Variants in OSBPL10 observed in about 807,000 individuals in gnomAD.
The protein encoded by OSBPL10 is oxysterol-binding protein-related protein 10.
In OSBPL10, 49 loss-of-function variants were observed where a neutral mutation model predicts 81.7. That is an observed-to-expected ratio of 0.60 (90% confidence interval 0.48 to 0.76). The LOEUF (loss-of-function observed/expected upper bound fraction) is 0.76, where lower values mean the gene tolerates loss of function less well. Among genes scored for constraint, OSBPL10 ranks in the 30% least tolerant of loss-of-function variants. The pLI is 0.00. For missense variants in OSBPL10, 923 were observed against 987.8 expected (o/e 0.93, Z 0.88); for synonymous variants, 419 against 383.6 (o/e 1.09, Z -1.08).
intron 1 of OSBPL10, among the ~76,000 whole-genome samples, chr3:31,915,911 C>G (rs140311958): frequency 6.6e-6 from 1 of 151,862 alleles, no homozygotes; most frequent in South Asian, 2.1e-4. Context: ...CTGACCAATA[C>G]GGCGAAACCC....
intron 7 of OSBPL10, among the ~76,000 whole-genome samples, chr3:31,688,533 C>G (rs1347853050): frequency 6.6e-6 from 1 of 152,134 alleles, no homozygotes; most frequent in African/African-American, 2.4e-5. Context: ...ACTGTAAGCT[C>G]TTAGTGGATA....
At chr3:31,860,188 T>G (rs111388592) in intron 3 of OSBPL10, among the ~76,000 whole-genome samples, 3 of 152,268 alleles carry the variant, frequency 2.0e-5, no homozygotes, top group African/African-American at 7.2e-5. Context: ...TTTAAGATTT[T>G]GAAGAAGCCT....
chr3:32,036,599 A>G (rs528532065), intron 2 of OSBPL10, among the ~76,000 whole-genome samples: 29 of 152,302 alleles, frequency 1.9e-4, no homozygotes, highest in African/African-American at 7.0e-4. Context: ...ATAGATAAGG[A>G]AGACCACTTG....
Position 31,990,293 on chromosome 3 carries a change from A to G in OSBPL10, n.298+56198T>C, listed in dbSNP as rs753451627. 1.2e-5 allele frequency: 19 copies of G among 1,614,138 alleles called. No individual in the cohort carries two copies. The East Asian group carries it at 3.3e-4, about 28-fold the overall frequency. Reference sequence around the variant, plus strand: ...CTTTATAAATGTAATGATTGTCACAAAGTCTTCAGTAATGCTACAACCATT... The same window carrying G: ...CTTTATAAATGTAATGATTGTCACAGAGTCTTCAGTAATGCTACAACCATT... On this transcript the variant is annotated intron_variant and non_coding_transcript_variant, in intron 2 of 3. Transcript: ENST00000479173.
intron 7 of OSBPL10, among the ~76,000 whole-genome samples, chr3:31,701,309 T>G (rs1695887162): frequency 6.6e-6 from 1 of 152,182 alleles, no homozygotes; most frequent in South Asian, 2.1e-4. Flanking sequence ...CTTCAGTGGC[T>G]CTGACATCCA....
intron 1 of OSBPL10, among the ~76,000 whole-genome samples, chr3:31,970,839 C>T (rs2125490015): frequency 6.6e-6 from 1 of 152,318 alleles, no homozygotes; most frequent in Admixed American, 6.5e-5. Context: ...AGTCTCATCT[C>T]TGGCCACACT....
In OSBPL10 at chr3:31,926,289, G is replaced by GCCCCCCCCCCCC. The variant is rs36122261; in HGVS notation, c.282-46460_282-46459insGGGGGGGGGGGG. Among the ~76,000 whole-genome samples, 10 of 130,194 alleles carry GCCCCCCCCCCCC rather than the reference G, an allele frequency of 7.7e-5. 1 individual carries two copies. The highest frequency in any genetic ancestry group is 2.5e-4 in the African/African-American group (8 of 32,312). The allele number at this position is 130,194 out of a possible 152,430, so 85.4% of individuals were successfully genotyped here. On this transcript the variant is annotated intron_variant, in intron 1 of 11. Coordinates refer to ENST00000396556, the MANE Select transcript of OSBPL10 (RefSeq NM_017784.5). ...GTGGTTCTCAACCATGGGTGATTTT[G>GCCCCCCCCCCCC]CCCCCCCAGAGGATAGCTGCAATGT...
At chr3:31,879,026 G>T (rs765893601) in intron 2 of OSBPL10, among the ~76,000 whole-genome samples, 2 of 152,184 alleles carry the variant, frequency 1.3e-5, no homozygotes, top group African/African-American at 2.4e-5. Flanking sequence ...TGTGTCTTGA[G>T]GGTGAATACT....
chr3:31,978,619 A>G (rs1698746520), intron 1 of OSBPL10, among the ~76,000 whole-genome samples: 1 of 152,180 alleles, frequency 6.6e-6, no homozygotes, highest in African/African-American at 2.4e-5. Context: ...AAACCCTGAC[A>G]CTGAGATGTT....
chr3:31,892,299 C>T (rs967719262), intron 1 of OSBPL10, among the ~76,000 whole-genome samples: 3 of 152,140 alleles, frequency 2.0e-5, no homozygotes, highest in Non-Finnish European at 4.4e-5. Context: ...GGGCTAAAGA[C>T]GTAGGCAATG....
At chr3:32,071,174 G>C (rs1051299289) in intron 1 of OSBPL10, among the ~76,000 whole-genome samples, 4 of 152,110 alleles carry the variant, frequency 2.6e-5, no homozygotes, top group African/African-American at 9.7e-5. Flanking sequence ...ACCTACCTAA[G>C]TATAGTTCTT....
intron 4 of OSBPL10, among the ~76,000 whole-genome samples, chr3:31,808,233 G>A (rs1352701110): frequency 6.6e-6 from 1 of 152,176 alleles, no homozygotes; most frequent in Admixed American, 6.5e-5. Flanking sequence ...GAGGTTGGAG[G>A]GAAAGGGGGA....
intron 3 of OSBPL10, among the ~76,000 whole-genome samples, chr3:31,866,180 C>T (rs1276246297): frequency 1.3e-5 from 2 of 152,166 alleles, no homozygotes; most frequent in South Asian, 2.1e-4. Flanking sequence ...TCACCCTTCA[C>T]ATTTTGCTAT....
Position 32,063,405 on chromosome 3 carries a change from G to A in OSBPL10, n.185+13991C>T, listed in dbSNP as rs1446955370. On this transcript the variant is annotated intron_variant and non_coding_transcript_variant, in intron 1 of 3. Coordinates refer to the OSBPL10 transcript ENST00000479173. ...CAGAGTTCAGCTTCTTGGCTCCACA[G>A]CTCAGGAACTTTGAGCTTTCACATA... Among the ~76,000 whole-genome samples, 4 of 92,292 alleles carry A rather than the reference G, an allele frequency of 4.3e-5. 1 individual carries two copies. The highest frequency in any genetic ancestry group is 8.7e-5 in the Non-Finnish European group (3 of 34,614). The allele number at this position is 92,292 out of a possible 152,430, so 60.5% of individuals were successfully genotyped here. A position where few individuals can be genotyped will look rare whatever the true frequency, so the allele number is the denominator to read the frequency against.
At chr3:31,747,319 A>G (rs1697556466) in intron 5 of OSBPL10, among the ~76,000 whole-genome samples, 3 of 149,874 alleles carry the variant, frequency 2.0e-5, no homozygotes, top group Admixed American at 2.0e-4. Flanking sequence ...CTTTGACTCA[A>G]AAAAAAAAAG....
chr3:31,870,206 G>A lies in OSBPL10; in HGVS notation c.537+6227C>T, dbSNP rs577436858. ...GGTGGGCGTGGGCTTGGAGGGCCCC[G>A]CACTCCGAGCAGCCGGCGGGCCTCC... On this transcript the variant is annotated intron_variant, in intron 3 of 11. Transcript: ENST00000396556. Among the ~76,000 whole-genome samples, 308 of 152,358 alleles carry A rather than the reference G, an allele frequency of 2.0e-3. 1 individual carries two copies. The highest frequency in any genetic ancestry group is 6.5e-3 in the African/African-American group (269 of 41,594).
intron 6 of OSBPL10, among the ~76,000 whole-genome samples, chr3:31,729,134 C>T (rs147686060): frequency 2.7e-4 from 41 of 152,270 alleles, no homozygotes; most frequent in Admixed American, 3.9e-4. Context: ...TTGTGAATTA[C>T]GCCTCAATAA....
intron 4 of OSBPL10, among the ~76,000 whole-genome samples, chr3:31,817,840 A>G (rs1699882273): frequency 6.6e-6 from 1 of 152,166 alleles, no homozygotes. Context: ...CACTGCCATC[A>G]ATGCCTGTAA....
chr3:31,713,293 C>A (rs538193928), intron 6 of OSBPL10, among the ~76,000 whole-genome samples: 1 of 152,202 alleles, frequency 6.6e-6, no homozygotes, highest in Admixed American at 6.5e-5. Context: ...TCTTGGAACA[C>A]GCAAAGGACA....
Sources: allele counts gnomAD v4.1 joint callset (sites outside exome capture counted in the v4.1 genomes callset), GRCh38; gene constraint gnomAD v4.1.1; transcripts MANE v1.5; gene names NCBI Gene and HGNC (gene_info 2026-07-23, HGNC 2026-07-21).